Variants in GOLGA3 observed in about 807,000 individuals in gnomAD.
GOLGA3 encodes golgin A3.
Under a neutral mutation model 169.4 loss-of-function variants are expected in GOLGA3, and 75 were observed. The ratio of observed to expected loss-of-function variants is 0.44; its 90% CI spans 0.37 to 0.54. GOLGA3 has a LOEUF of 0.54. Ranked by LOEUF, GOLGA3 falls within the 20% of genes least tolerant of loss-of-function variation. GOLGA3 has a pLI of 0.00. For missense variants in GOLGA3, 1,899 were observed against 1,930.0 expected (o/e 0.98, Z 0.30); for synonymous variants, 824 against 822.4 (o/e 1.00, Z -0.03).
chr12:132,790,363 G>A (rs984651518), intron 12 of GOLGA3, among the ~76,000 whole-genome samples: 6 of 152,044 alleles, frequency 3.9e-5, no homozygotes, highest in Non-Finnish European at 7.4e-5. Context: ...ATACAGCAGC[G>A]CTCACAACGC....
chr12:132,796,060 A>G lies in GOLGA3; in HGVS notation c.2261T>C (p.Leu754Pro), dbSNP rs1948815800. The G allele has an allele frequency of 6.2e-7, 1 of 1,612,648 alleles. No homozygotes were observed. Among genetic ancestry groups the G allele is most frequent in the African/African-American group, 1.3e-5 (1 of 74,918 alleles). The change falls in exon 11 of 24, where the codon CTG (leucine) becomes CCG (proline). Residue 754 changes from leucine to proline, a missense_variant. Physicochemically the swap from Leu to Pro is moderately conservative, Grantham distance 98. Coordinates refer to ENST00000450791, the MANE Select transcript of GOLGA3 (RefSeq NM_001389683.1). ...QTHYDELQAR[L>P]GELQGEAASR... is the part of the protein sequence containing the mutation. ...GGCGGCCTCGCCCTGCAGCTCCCCC[A>G]GCCTGGCCTGCAGCTCATCGTAGTG...
chr12:132,813,068 T>G (rs2136670701), intron 4 of GOLGA3, among the ~76,000 whole-genome samples: 1 of 152,346 alleles, frequency 6.6e-6, no homozygotes, highest in South Asian at 2.1e-4. Context: ...AGGACTTGCT[T>G]TATTGCAATG....
At position 132,787,693 on chromosome 12, in the gene GOLGA3, C is replaced by T. The variant is rs1330425971; in HGVS notation, c.2812-906G>A. On this transcript the variant is annotated intron_variant, in intron 13 of 23. Transcript: ENST00000450791. ...CCCCTCCCCGGAGACCCCGGGACCC[C>T]TCCCCGGAGACCCCGGGACCCCTCC... Among the ~76,000 whole-genome samples the T allele has an allele frequency of 5.2e-4, 31 of 60,096 alleles. 6 individuals are homozygous for T. The highest frequency in any genetic ancestry group is 8.5e-4 in the Non-Finnish European group (21 of 24,618). The allele number at this position is 60,096 out of a possible 152,430, so 39.4% of individuals were successfully genotyped here.
intron 18 of GOLGA3, among the ~76,000 whole-genome samples, chr12:132,779,155 A>G (rs891664895): frequency 8.6e-5 from 13 of 151,988 alleles, no homozygotes; most frequent in African/African-American, 3.1e-4. Flanking sequence ...ATCTTGGCTC[A>G]CCACAACCTC....
chr12:132,769,497 C>G lies in GOLGA3; in HGVS notation c.*3608G>C, dbSNP rs758636676. On this transcript the variant is annotated 3_prime_UTR_variant, in exon 24 of 24. Transcript: ENST00000450791. ...ACCCGAGGAGAGTCCATTTCACATC[C>G]TATCAGAAACACTGCCTGATCCATA... 1 of 152,264 alleles carries G rather than the reference C, an allele frequency of 6.6e-6. No individual in the cohort carries two copies. Among genetic ancestry groups the G allele is most frequent in the Non-Finnish European group, 1.5e-5 (1 of 68,054 alleles). 9.4% of individuals were successfully genotyped at this position (152,264 alleles called of 1,614,324 possible). A position where few individuals can be genotyped will look rare whatever the true frequency, so the allele number is the denominator to read the frequency against.
rs146750069 is a variant in GOLGA3, at chr12:132,782,388, C to T, written c.3373G>A (p.Gly1125Ser). The stretch of plus-strand genomic sequence containing the variant: ...TCCCGCAGAGCTGCGTTGGACTGAC[C>T]GAGGCCCGTAAGCTTCCCTTTCTCG... ...EHEKGKLTGL[G>S]QSNAALREHN... The change falls in exon 17 of 24, where the codon GGT becomes AGT. Residue 1125 changes from glycine (G) to serine (S), a missense_variant. Transcript: ENST00000450791. 12 of 1,614,194 alleles carry T rather than the reference C, an allele frequency of 7.4e-6. No homozygotes were observed. Among genetic ancestry groups the T allele is most frequent in the South Asian group, 5.5e-5 (5 of 91,090 alleles).
chr12:132,787,597 TGGGACCCTTCCCCGGAGACCCC>T (rs1566087578), intron 13 of GOLGA3, among the ~76,000 whole-genome samples: 265 of 22,786 alleles, frequency 0.012, 22 homozygotes, highest in East Asian at 0.031. Flanking sequence ...CCAGAACCCC[TGGGACCCTTCCCCGGAGACCCC>T]GGGACCCCTC....
chr12:132,816,014 C>A (rs766101896), intron 3 of GOLGA3, among the ~76,000 whole-genome samples: 1 of 152,188 alleles, frequency 6.6e-6, no homozygotes, highest in Admixed American at 6.5e-5. Context: ...TTGACTAACA[C>A]GGTGAAACCC....
Position 132,791,306 on chromosome 12 carries a change from T to C in GOLGA3, c.2470-13A>G, listed in dbSNP as rs374338266. ...GCAGGTGTTCCACCTGTGGGAGACA[T>C]GTGCACAGACATTACACTGACGGCT... On this transcript the variant is annotated splice_polypyrimidine_tract_variant and intron_variant, in intron 11 of 23. Transcript: ENST00000450791. The C allele has an allele frequency of 4.5e-6, 7 of 1,541,158 alleles. No individual in the cohort carries two copies. In the African/African-American group the frequency reaches 8.2e-5, roughly 18 times the overall value.
intron 3 of GOLGA3, among the ~76,000 whole-genome samples, chr12:132,815,195 T>G (rs898720911): frequency 1.1e-4 from 17 of 152,246 alleles, no homozygotes; most frequent in African/African-American, 3.6e-4. Flanking sequence ...TCCAGATGGC[T>G]AGACCGTAAG....
At chr12:132,813,503 C>G in intron 3 of GOLGA3, 84 bp from the exon 4 acceptor site, 1 of 701,604 alleles carries the variant, frequency 1.4e-6, no homozygotes, top group Non-Finnish European at 2.5e-6. Context: ...TCATTTTGTA[C>G]TTAATTACCC....
chr12:132,800,930 G>A (rs1277857059), intron 8 of GOLGA3, among the ~76,000 whole-genome samples: 1 of 152,206 alleles, frequency 6.6e-6, no homozygotes, highest in African/African-American at 2.4e-5. Context: ...CTGCTCTCCA[G>A]CCTGGGTGAC....
rs1283784057 is a variant in GOLGA3, at chr12:132,804,109, C to T, written c.1597+607G>A. Among the ~76,000 whole-genome samples, 1 of 152,356 alleles carries T rather than the reference C, an allele frequency of 6.6e-6. No individual in the cohort carries two copies. Among genetic ancestry groups the T allele is most frequent in the African/African-American group, 2.4e-5 (1 of 41,590 alleles). ...AGCCCGCCGCGGCTTCCGCAATCCA[C>T]TGCCCTACTTGTACTCTCTGGGCGA... On this transcript the variant is annotated intron_variant, in intron 7 of 23. Coordinates refer to ENST00000450791, the MANE Select transcript of GOLGA3 (RefSeq NM_001389683.1). The surrounding 1 kb of genome is among the most constrained non-coding windows in gnomAD (Gnocchi z 4.1).
chr12:132,801,262 G>A (rs1051957207), intron 8 of GOLGA3, among the ~76,000 whole-genome samples: 2 of 152,192 alleles, frequency 1.3e-5, no homozygotes, highest in South Asian at 2.1e-4. Flanking sequence ...CTGGGAAGAC[G>A]TGGTCCCCGT....
At chr12:132,814,023 CTTTT>C (rs34633724) in intron 3 of GOLGA3, among the ~76,000 whole-genome samples, 4 of 102,990 alleles carry the variant, frequency 3.9e-5, no homozygotes, top group Middle Eastern at 6.0e-3. Flanking sequence ...CGCGCCCGGC[CTTTT>C]TTTTTTTTTT....
intron 13 of GOLGA3, among the ~76,000 whole-genome samples, chr12:132,788,704 G>C (rs1214867378): frequency 6.6e-6 from 1 of 152,164 alleles, no homozygotes; most frequent in Admixed American, 6.5e-5. Context: ...CCTCTCACAT[G>C]CTAGATCCCG....
chr12:132,813,553 G>A (rs543986166), intron 3 of GOLGA3, 134 bp from the exon 4 acceptor site: 1 of 560,660 alleles, frequency 1.8e-6, no homozygotes, highest in South Asian at 2.1e-5. Context: ...CATCTTGTTT[G>A]GAAGGACAAT....
chr12:132,785,822 A>G (rs1471154636), intron 15 of GOLGA3, among the ~76,000 whole-genome samples: 3 of 152,230 alleles, frequency 2.0e-5, no homozygotes, highest in Admixed American at 6.5e-5. Flanking sequence ...CAGAGCACGG[A>G]GGGCCACGGC....
At position 132,798,490 on chromosome 12, in the gene GOLGA3, A is replaced by T; in HGVS notation, c.1801-13T>A. ...TCATCTGTCCAACCTTAAAAAAAAA[A>T]CCCACAAAGTAAAAAGTTGCTCAAT... On this transcript the variant is annotated splice_polypyrimidine_tract_variant and intron_variant, in intron 8 of 23. Transcript: ENST00000450791. The T allele has an allele frequency of 6.9e-6, 11 of 1,584,004 alleles. No individual in the cohort carries two copies. Among genetic ancestry groups the T allele is most frequent in the Non-Finnish European group, 9.4e-6 (11 of 1,171,774 alleles).
Sources: gnomAD v4.1 joint callset for allele counts (sites outside exome capture counted in the v4.1 genomes callset) on GRCh38, gnomAD v4.1.1 for gene constraint, Gnocchi (gnomAD v3.1) non-coding constraint, MANE v1.5 for transcripts, NCBI Gene and HGNC (gene_info 2026-07-23, HGNC 2026-07-21) for gene names.